Variants in PKD1L3 observed in about 807,000 individuals in gnomAD.
The protein encoded by PKD1L3 is polycystin 1 like 3, transient receptor potential channel interacting.
A neutral mutation model predicts 184.1 loss-of-function variants in PKD1L3; 239 were observed. The observed-to-expected ratio is 1.30, with a 90% CI of 1.17 to 1.45. PKD1L3 has a LOEUF of 1.45. Ranked by LOEUF, PKD1L3 falls within the 40% of genes most tolerant of loss-of-function variation. The pLI is 0.00. For missense variants in PKD1L3, 2,660 were observed against 2,067.2 expected, an observed-to-expected ratio of 1.29 and a Z score of -5.56; for synonymous variants, 996 against 778.8, an observed-to-expected ratio of 1.28 and a Z score of -4.64.
chr16:71,942,819 C>T lies in PKD1L3; in HGVS notation c.4065G>A (p.Glu1355=), dbSNP rs1434628123. 3 of 1,551,612 alleles carry T rather than the reference C, an allele frequency of 1.9e-6. No homozygotes were observed. The highest frequency in any genetic ancestry group is 2.4e-5 in the East Asian group (1 of 40,916). The change falls in exon 24 of 30, where the codon GAG becomes GAA. Residue 1355 remains glutamate (E), a synonymous_variant. Transcript: ENST00000620267. ...GDYRGKNAVL[E]PSHCKCGVQL... ...GTACCCCACATTTGCAATGACTGGGCTCCAGGACTGCATTCTTACCTCTGT... is the reference window on the plus strand; with the variant it reads ...GTACCCCACATTTGCAATGACTGGGTTCCAGGACTGCATTCTTACCTCTGT...
In PKD1L3 at chr16:71,986,266, G is replaced by C. The variant is rs2040356960; in HGVS notation, c.789C>G (p.Thr263=). 2 of 1,552,166 alleles carry C rather than the reference G, an allele frequency of 1.3e-6. No homozygotes were observed. Among genetic ancestry groups the C allele is most frequent in the East Asian group, 2.4e-5 (1 of 40,934 alleles). Residue 263 remains threonine (T), a synonymous_variant, in exon 5 of 30, where the codon ACC becomes ACG. Coordinates refer to ENST00000620267, the MANE Select transcript of PKD1L3 (RefSeq NM_181536.2). ...SSPKEEGHPN[T]FTSYLQVSLQ... Reference sequence around the variant, plus strand: ...ATGACACTTGTAGATAAGAGGTGAAGGTATTCGGATGACCTTCTTCCTTTG... The same window carrying C: ...ATGACACTTGTAGATAAGAGGTGAACGTATTCGGATGACCTTCTTCCTTTG...
chr16:71,982,694 TCAAG>T (rs1233017752), intron 6 of PKD1L3, among the ~76,000 whole-genome samples: 1 of 152,130 alleles, frequency 6.6e-6, no homozygotes, highest in African/African-American at 2.4e-5. Flanking sequence ...ACTTCTGGAC[TCAAG>T]CAATCCTCCT....
In PKD1L3 at chr16:71,953,023, G is replaced by C. The variant is rs575569465; in HGVS notation, c.2880C>G (p.Ile960Met). 4 of 1,549,130 alleles carry C rather than the reference G, an allele frequency of 2.6e-6. No homozygotes were observed. In the South Asian group the frequency reaches 4.8e-5, roughly 19 times the overall value. ...GGAAGAGCCGCCCTATGACAAGATT[G>C]ATTGGGAAGAGGATGACAGCAGTAT... Reference protein sequence around the residue: ...SIHTAVILFPINLVIGRLFPL... With the variant: ...SIHTAVILFPMNLVIGRLFPL... The change falls in exon 18 of 30, where the codon ATC becomes ATG. Residue 960 changes from isoleucine (I) to methionine (M), a missense_variant. Transcript: ENST00000620267.
chr16:71,971,274 T>C (rs1022170746), intron 12 of PKD1L3, among the ~76,000 whole-genome samples: 8 of 151,928 alleles, frequency 5.3e-5, no homozygotes, highest in Non-Finnish European at 1.0e-4. Flanking sequence ...GCATTCAATG[T>C]TTTTTATTAT....
chr16:71,987,926 G>A (rs1283153191), intron 4 of PKD1L3, among the ~76,000 whole-genome samples: 1 of 152,160 alleles, frequency 6.6e-6, no homozygotes, highest in Non-Finnish European at 1.5e-5. Context: ...GGAAGACCAA[G>A]GAAGCTAGAG....
chr16:71,954,672 C>T (rs1456589301), intron 16 of PKD1L3, among the ~76,000 whole-genome samples: 2 of 152,154 alleles, frequency 1.3e-5, no homozygotes, highest in Non-Finnish European at 2.9e-5. Context: ...ATACTCTGAG[C>T]ACTTTCTCTA....
chr16:71,980,199 G>A (rs1278937419), intron 7 of PKD1L3, 65 bp from the exon 8 acceptor site: 1 of 1,502,582 alleles, frequency 6.7e-7, no homozygotes, highest in Non-Finnish European at 9.0e-7. Flanking sequence ...GTAAAATAAT[G>A]TTTTGGAGAA....
intron 26 of PKD1L3, among the ~76,000 whole-genome samples, chr16:71,934,832 C>A (rs2038118740): frequency 6.6e-6 from 1 of 152,136 alleles, no homozygotes. Context: ...GCCACTGATG[C>A]AAAGGTTAGC....
At chr16:71,939,274 T>C (rs762809987) in intron 24 of PKD1L3, among the ~76,000 whole-genome samples, 3 of 152,210 alleles carry the variant, frequency 2.0e-5, no homozygotes, top group Non-Finnish European at 2.9e-5. Flanking sequence ...CATCCATACA[T>C]ACCTCACTGC....
intron 21 of PKD1L3, among the ~76,000 whole-genome samples, chr16:71,948,803 T>TA (rs57129483): frequency 0.18 from 14,299 of 81,056 alleles, 1,662 homozygotes; most frequent in African/African-American, 0.25. Context: ...TTACATATAG[T>TA]AAAAAAAAAA....
In PKD1L3 at chr16:71,974,001, CAA is replaced by C. The variant is rs10605882; in HGVS notation, c.1760-486_1760-485del. Among the ~76,000 whole-genome samples, 286 of 107,098 alleles carry C rather than the reference CAA, an allele frequency of 2.7e-3. 4 individuals carry two copies. The highest frequency in any genetic ancestry group is 0.017 in the Admixed American group (170 of 10,186). The allele number at this position is 107,098 out of a possible 152,430, so 70.3% of individuals were successfully genotyped here. On this transcript the variant is annotated intron_variant, in intron 11 of 29. Transcript: ENST00000620267. ...TGGGCAACAGAGTGAGATTTTGTCT[CAA>C]AAAAAAAAAAAAATATATATATTCT...
chr16:71,970,159 A>G (rs2039658200), intron 12 of PKD1L3, 54 bp from the exon 13 acceptor site: 3 of 1,394,544 alleles, frequency 2.2e-6, no homozygotes, highest in South Asian at 2.6e-5. Context: ...TAAGGAGGGG[A>G]CAGACATAAA....
intron 28 of PKD1L3, among the ~76,000 whole-genome samples, chr16:71,932,724 G>A (rs1255645375): frequency 6.9e-6 from 1 of 145,212 alleles, no homozygotes; most frequent in African/African-American, 2.5e-5. Context: ...AAAGTGATCC[G>A]CTGGCTTCGG....
At chr16:71,930,301 TAGGG>T in intron 28 of PKD1L3, 118 bp from the exon 29 acceptor site, 1 of 1,051,536 alleles carries the variant, frequency 9.5e-7, no homozygotes, top group Non-Finnish European at 1.3e-6. Context: ...GAAGGAAACT[TAGGG>T]AGAGAGTCAA....
At position 71,952,972 on chromosome 16, in the gene PKD1L3, CAG is replaced by C. The variant is rs768087356; in HGVS notation, c.2929_2930del (p.Leu977AlafsTer17). The part of the protein sequence containing the change: ...LFPLIEPQET[L>X]PLFPPIQASC... ...AGGCCTGGATGGGAGGAAAGAGGGG[CAG>C]AGTCTCCTGTGGCTCAATCAACGGG... On this transcript the variant is annotated frameshift_variant, in exon 18 of 30. Coordinates refer to ENST00000620267, the MANE Select transcript of PKD1L3 (RefSeq NM_181536.2). LOFTEE classifies it high-confidence loss of function. 5.8e-6 allele frequency: 9 copies of C among 1,550,014 alleles called. No individual in the cohort carries two copies. The South Asian group carries it at 9.6e-5, about 16-fold the overall frequency.
chr16:71,939,689 G>A (rs2038294969), intron 24 of PKD1L3, among the ~76,000 whole-genome samples: 1 of 152,152 alleles, frequency 6.6e-6, no homozygotes, highest in Non-Finnish European at 1.5e-5. Context: ...AGGTCTGAGA[G>A]AAGAATTCTT....
At chr16:71,933,803 C>A in intron 27 of PKD1L3, 112 bp downstream of exon 27, 2 of 1,217,796 alleles carry the variant, frequency 1.6e-6, no homozygotes, top group Non-Finnish European at 2.3e-6. Flanking sequence ...CTAAACCCGG[C>A]TTTCCTACTG....
intron 4 of PKD1L3, among the ~76,000 whole-genome samples, chr16:71,987,335 C>G (rs1038583994): frequency 1.3e-5 from 2 of 152,018 alleles, no homozygotes; most frequent in Non-Finnish European, 2.9e-5. Context: ...ATCCTCCTGC[C>G]TCAGCCTCCC....
At chr16:71,997,902 C>A (rs1478469397) in intron 2 of PKD1L3, among the ~76,000 whole-genome samples, 9 of 152,218 alleles carry the variant, frequency 5.9e-5, no homozygotes, top group Admixed American at 5.9e-4. Flanking sequence ...GACTTCTCAT[C>A]TTCCTCTGCC....
Sources: allele counts gnomAD v4.1 joint callset (sites outside exome capture counted in the v4.1 genomes callset), GRCh38; gene constraint gnomAD v4.1.1; transcripts MANE v1.5; gene names NCBI Gene and HGNC (gene_info 2026-07-23, HGNC 2026-07-21).